SLC6A2: variants seen among roughly 807,000 people sequenced by gnomAD.
The protein encoded by SLC6A2 is sodium-dependent noradrenaline transporter.
Under a neutral mutation model 71.7 loss-of-function variants are expected in SLC6A2, and 26 were observed. The ratio of observed to expected loss-of-function variants is 0.36; its 90% CI spans 0.27 to 0.50. The LOEUF is 0.50. Ranked by LOEUF, SLC6A2 falls within the 20% of genes least tolerant of loss-of-function variation. The pLI is 0.96. For synonymous variants in SLC6A2, 363 were observed against 337.9 expected (o/e 1.07, Z -0.82); for missense variants, 581 against 803.9 (o/e 0.72, Z 3.35).
chr16:55,700,377 C>G, intron 13 of SLC6A2, 71 bp downstream of exon 13: 1 of 1,365,718 alleles, frequency 7.3e-7, no homozygotes, highest in Non-Finnish European at 1.0e-6. Flanking sequence ...GACTCTCATT[C>G]CTGTTGGGGT....
Position 55,705,257 on chromosome 16 carries a change from C to T in SLC6A2, c.*2911C>T, listed in dbSNP as rs1286938469. The stretch of plus-strand genomic sequence containing the variant: ...GGAGAAGGAGAGCTACCAACTCTTG[C>T]CAGATATCCTGCTGAACAGAAATCC... On this transcript the variant is annotated 3_prime_UTR_variant, in exon 15 of 15. Transcript: ENST00000568943. 7.2e-6 allele frequency: 11 copies of T among 1,535,846 alleles called. No individual in the cohort carries two copies. The East Asian group carries it at 2.7e-4, about 38-fold the overall frequency.
chr16:55,700,269 T>C lies in SLC6A2; in HGVS notation c.1721T>C (p.Ile574Thr), dbSNP rs1965930434. The stretch of plus-strand genomic sequence containing the variant: ...ATGGTCCTGGTGCCCATCTACGTCA[T>C]CTATAAGTTCCTCAGCACGCAGGGC... ...SSMVLVPIYV[I>T]YKFLSTQGSL... The change falls in exon 13 of 15, where the codon ATC becomes ACC. Residue 574 changes from isoleucine to threonine, a missense_variant. Coordinates refer to ENST00000568943, the MANE Select transcript of SLC6A2 (RefSeq NM_001172501.3). 1.2e-6 allele frequency: 2 copies of C among 1,613,856 alleles called. No individual in the cohort carries two copies. The highest frequency in any genetic ancestry group is 1.7e-6 in the Non-Finnish European group (2 of 1,179,940).
chr16:55,677,446 T>C (rs1340445378), intron 4 of SLC6A2, among the ~76,000 whole-genome samples: 4 of 152,188 alleles, frequency 2.6e-5, no homozygotes, highest in Non-Finnish European at 4.4e-5. Context: ...ATTTGATTCC[T>C]CCGCTGATGT....
chr16:55,692,799 G>A (rs1965676763), intron 6 of SLC6A2, among the ~76,000 whole-genome samples: 1 of 152,130 alleles, frequency 6.6e-6, no homozygotes, highest in African/African-American at 2.4e-5. Flanking sequence ...GATGAAGAGG[G>A]ATGCATCCCA....
In SLC6A2 at chr16:55,660,066, G is replaced by A. The variant is rs554928599; in HGVS notation, c.274+3098G>A. Among the ~76,000 whole-genome samples, 314 of 152,316 alleles carry A rather than the reference G, an allele frequency of 2.1e-3. 1 individual carries two copies. The highest frequency in any genetic ancestry group is 1.7e-3 in the Non-Finnish European group (116 of 68,038). On this transcript the variant is annotated intron_variant, in intron 2 of 14. Transcript: ENST00000568943. ...TTAGACAAATGCTCTAAAGGCCTGA[G>A]GAAGGGCTGCTTAGGAAGGGCTGGG...
rs1596991426 is a variant in SLC6A2, at chr16:55,685,226, T to G, written c.728T>G (p.Val243Gly). 6.2e-7 allele frequency: 1 copy of G among 1,614,144 alleles called. No homozygotes were observed. The highest frequency in any genetic ancestry group is 2.2e-5 in the East Asian group (1 of 44,890). ...PQWQLLLCLM[V>G]VVIVLYFSLW... ...TGGCAGCTCTTGCTCTGTCTGATGGTCGTCGTCATCGTCTTGTATTTTAGC... is the reference window on the plus strand; with the variant it reads ...TGGCAGCTCTTGCTCTGTCTGATGGGCGTCGTCATCGTCTTGTATTTTAGC... The change falls in exon 5 of 15, where the codon GTC (valine) becomes GGC (glycine). Residue 243 changes from valine to glycine, a missense_variant. By Grantham distance (109) the Val-to-Gly change is moderately radical. Transcript: ENST00000568943.
chr16:55,703,384 C>T lies in SLC6A2; in HGVS notation c.*1038C>T. ...CTCTGGGGATCCCACCTGGAGTGGA[C>T]CAGGGGTCTTGAGAAATGGAGAGTT... On this transcript the variant is annotated 3_prime_UTR_variant, in exon 15 of 15. Transcript: ENST00000568943. The T allele has an allele frequency of 2.0e-6, 2 of 985,320 alleles. No homozygotes were observed. The highest frequency in any genetic ancestry group is 2.4e-6 in the Non-Finnish European group (2 of 829,916). The allele number at this position is 985,320 out of a possible 1,614,324, so 61.0% of individuals were successfully genotyped here.
Position 55,656,668 on chromosome 16 carries a change from G to T in SLC6A2, c.-27G>T, listed in dbSNP as rs574284603. The T allele has an allele frequency of 6.2e-7, 1 of 1,611,124 alleles. No individual in the cohort carries two copies. The highest frequency in any genetic ancestry group is 1.3e-5 in the African/African-American group (1 of 74,930). On this transcript the variant is annotated 5_prime_UTR_variant, in exon 2 of 15. Coordinates refer to ENST00000568943, the MANE Select transcript of SLC6A2 (RefSeq NM_001172501.3). This position sits in a 1 kb window ranked among gnomAD's most constrained non-coding sequence, Gnocchi z 4.5. ...GAGCCTCGGCGTGCCCCCAGGACCG[G>T]TAAAGTTCCTCTCGCCAGCCGCATC... is the stretch of plus-strand genomic sequence containing the variant.
At position 55,687,393 on chromosome 16, in the gene SLC6A2, G is replaced by T. The variant is rs111581391; in HGVS notation, c.783+2112G>T. On this transcript the variant is annotated intron_variant, in intron 5 of 14. Transcript: ENST00000568943. Reference sequence around the variant, plus strand: ...GATGCTGCATTAGTGGAGAAAGGAAGCTCTTTCAACTGAAAGTGTCTCCAA... The same window carrying T: ...GATGCTGCATTAGTGGAGAAAGGAATCTCTTTCAACTGAAAGTGTCTCCAA... Among the ~76,000 whole-genome samples, 689 of 152,316 alleles carry T rather than the reference G, an allele frequency of 4.5e-3. 6 individuals are homozygous for T. The highest frequency in any genetic ancestry group is 0.016 in the African/African-American group (661 of 41,564).
At chr16:55,696,475 G>T in intron 9 of SLC6A2, 138 bp downstream of exon 9, 1 of 687,402 alleles carries the variant, frequency 1.5e-6, no homozygotes. Flanking sequence ...CTATTTAAAT[G>T]CAGACAAAAA....
intron 2 of SLC6A2, among the ~76,000 whole-genome samples, chr16:55,667,404 C>A (rs544297622): frequency 1.3e-5 from 2 of 152,212 alleles, no homozygotes; most frequent in Admixed American, 1.3e-4. Flanking sequence ...AATTCTCTCT[C>A]AGGGGTGGTT....
At chr16:55,681,117 G>A (rs1965257636) in intron 4 of SLC6A2, among the ~76,000 whole-genome samples, 1 of 152,150 alleles carries the variant, frequency 6.6e-6, no homozygotes, top group African/African-American at 2.4e-5. Flanking sequence ...GGGTACCCTT[G>A]ACTCTCTTGC....
At position 55,700,262 on chromosome 16, in the gene SLC6A2, T is replaced by C. The variant is rs749595008; in HGVS notation, c.1714T>C (p.Tyr572His). ...ALSSMVLVPI[Y>H]VIYKFLSTQG... ...GTCCTCCATGGTCCTGGTGCCCATC[T>C]ACGTCATCTATAAGTTCCTCAGCAC... Residue 572 changes from tyrosine (Y) to histidine (H), a missense_variant, in exon 13 of 15, where the codon TAC becomes CAC. This residue lies in a region of SLC6A2 where 334 missense variants were observed against 449.0 expected (regional missense o/e 0.74). Transcript: ENST00000568943. The C allele has an allele frequency of 3.1e-6, 5 of 1,614,104 alleles. No individual in the cohort carries two copies. Among genetic ancestry groups the C allele is most frequent in the Non-Finnish European group, 4.2e-6 (5 of 1,180,010 alleles).
At chr16:55,657,881 C>T (rs1164573564) in intron 2 of SLC6A2, among the ~76,000 whole-genome samples, 1 of 151,870 alleles carries the variant, frequency 6.6e-6, no homozygotes, top group Non-Finnish European at 1.5e-5. Flanking sequence ...GTGCTGGCCC[C>T]CACCCCCTAG....
At chr16:55,684,544 T>C (rs1452922837) in intron 4 of SLC6A2, among the ~76,000 whole-genome samples, 1 of 152,142 alleles carries the variant, frequency 6.6e-6, no homozygotes, top group Non-Finnish European at 1.5e-5. Context: ...ATAGGAGAAA[T>C]GTTCACTTTT....
chr16:55,657,444 G>A (rs1964489907), intron 2 of SLC6A2, among the ~76,000 whole-genome samples: 1 of 152,190 alleles, frequency 6.6e-6, no homozygotes, highest in Admixed American at 6.5e-5. Flanking sequence ...TCTGAGCCTG[G>A]GGGCAGGAAC....
chr16:55,694,854 C>T (rs535557768), intron 7 of SLC6A2, among the ~76,000 whole-genome samples: 18 of 152,146 alleles, frequency 1.2e-4, no homozygotes, highest in Admixed American at 9.8e-4. Context: ...CGGGACAACA[C>T]AGGCAAATGC....
intron 13 of SLC6A2, 127 bp from the exon 14 acceptor site, chr16:55,701,736 C>A (rs1965976628): frequency 1.3e-6 from 1 of 766,278 alleles, no homozygotes; most frequent in Admixed American, 1.8e-5. Flanking sequence ...TTGTACAGAC[C>A]CCAAATGCTA....
In SLC6A2 at chr16:55,656,983, G is replaced by A. The variant is rs186556843; in HGVS notation, c.274+15G>A. Reference sequence around the variant, plus strand: ...GAACGGCGGCGGTGAGCGTGGGGTCGGGCTGGGAATTTGAATCTGGGAGGT... The same window carrying A: ...GAACGGCGGCGGTGAGCGTGGGGTCAGGCTGGGAATTTGAATCTGGGAGGT... On this transcript the variant is annotated intron_variant, in intron 2 of 14. Coordinates refer to ENST00000568943, the MANE Select transcript of SLC6A2 (RefSeq NM_001172501.3). This position sits in a 1 kb window ranked among gnomAD's most constrained non-coding sequence, Gnocchi z 4.5. 1 of 1,611,786 alleles carries A rather than the reference G, an allele frequency of 6.2e-7. No individual in the cohort carries two copies. Among genetic ancestry groups the A allele is most frequent in the South Asian group, 1.1e-5 (1 of 90,914 alleles).
Sources: gnomAD v4.1 joint callset for allele counts (sites outside exome capture counted in the v4.1 genomes callset) on GRCh38, gnomAD v4.1.1 for gene constraint, gnomAD v4.1.1 regional missense constraint, Gnocchi (gnomAD v3.1) non-coding constraint, MANE v1.5 for transcripts, NCBI Gene and HGNC (gene_info 2026-07-23, HGNC 2026-07-21) for gene names.